EIF4E3: variants seen among roughly 807,000 people sequenced by gnomAD.
EIF4E3 encodes the protein eukaryotic translation initiation factor 4E type 3.
In EIF4E3, 26 loss-of-function variants were observed where a neutral mutation model predicts 31.7. The ratio of observed to expected loss-of-function variants is 0.82; its 90% CI spans 0.60 to 1.14. EIF4E3 has a LOEUF of 1.14. Ranked by LOEUF, EIF4E3 falls within the 50% of genes most tolerant of loss-of-function variation. The probability of loss-of-function intolerance (pLI) is 0.00; values close to 1 mark genes in which losing one functional copy is unlikely to be tolerated. For synonymous variants in EIF4E3, 128 were observed against 107.7 expected, an observed-to-expected ratio of 1.19 and a Z score of -1.17; for missense variants, 304 against 270.9, an observed-to-expected ratio of 1.12 and a Z score of -0.86.
chr3:71,725,517 T>G (rs1419793737), upstream of EIF4E3: 1 of 302,638 alleles, frequency 3.3e-6, no homozygotes, highest in African/African-American at 2.8e-5. This position sits in a 1 kb window ranked among gnomAD's most constrained non-coding sequence, Gnocchi z 6.1. Flanking sequence ...GCCCGCCGCC[T>G]TCAGGGCCTG....
intron 1 of EIF4E3, among the ~76,000 whole-genome samples, chr3:71,721,553 A>G (rs1205674011): frequency 6.6e-6 from 1 of 152,124 alleles, no homozygotes; most frequent in Non-Finnish European, 1.5e-5. Flanking sequence ...AGGTAACCGG[A>G]TCATGGGGGT....
At chr3:71,699,235 G>T (rs1395735010) in intron 3 of EIF4E3, among the ~76,000 whole-genome samples, 1 of 151,598 alleles carries the variant, frequency 6.6e-6, no homozygotes, top group African/African-American at 2.4e-5. Context: ...TCAAAAAAAA[G>T]AAACCAACCA....
At chr3:71,693,309 T>C (rs2108028924) in intron 5 of EIF4E3, among the ~76,000 whole-genome samples, 1 of 152,348 alleles carries the variant, frequency 6.6e-6, no homozygotes, top group South Asian at 2.1e-4. Context: ...GAAGAACTTC[T>C]GTCTTATCCT....
rs1197382046 is a variant in EIF4E3, at chr3:71,678,042, C to T, written c.*6640G>A. 2 of 152,148 alleles carry T rather than the reference C, an allele frequency of 1.3e-5. No homozygotes were observed. The highest frequency in any genetic ancestry group is 4.8e-5 in the African/African-American group (2 of 41,424). The allele number at this position is 152,148 out of a possible 1,614,324, so 9.4% of individuals were successfully genotyped here. A position where few individuals can be genotyped will look rare whatever the true frequency, so the allele number is the denominator to read the frequency against. Reference sequence around the variant, plus strand: ...ACAACAGTTACTCCCCATCAGAATACCAGATAACCTACTAAGCGTCAGACT... The same window carrying T: ...ACAACAGTTACTCCCCATCAGAATATCAGATAACCTACTAAGCGTCAGACT... On this transcript the variant is annotated 3_prime_UTR_variant, in exon 7 of 7. Transcript: ENST00000425534.
chr3:71,695,726 G>A (rs916615747), intron 4 of EIF4E3, among the ~76,000 whole-genome samples: 4 of 152,100 alleles, frequency 2.6e-5, no homozygotes, highest in African/African-American at 9.7e-5. Context: ...TCAGTTCTTT[G>A]AGCTTATCCA....
chr3:71,712,932 TCTTTA>T (rs1487099852), intron 1 of EIF4E3, among the ~76,000 whole-genome samples: 1 of 151,162 alleles, frequency 6.6e-6, no homozygotes, highest in Non-Finnish European at 1.5e-5. Context: ...CACAGTCTGG[TCTTTA>T]CTTGTATTCC....
chr3:71,736,516 T>G (rs994449884), intron 1 of EIF4E3, among the ~76,000 whole-genome samples: 1 of 152,210 alleles, frequency 6.6e-6, no homozygotes, highest in African/African-American at 2.4e-5. Context: ...TTGGGGAAAC[T>G]TTAATGCATA....
intron 1 of EIF4E3, among the ~76,000 whole-genome samples, chr3:71,721,876 G>A (rs2049555039): frequency 6.6e-6 from 1 of 152,148 alleles, no homozygotes; most frequent in Non-Finnish European, 1.5e-5. Context: ...GGACAGGAAA[G>A]AGCAGGGCAA....
chr3:71,686,543 A>AGTGTGTGTGTGTGTGT (rs61264269), intron 6 of EIF4E3, among the ~76,000 whole-genome samples: 3,423 of 143,504 alleles, frequency 0.024, 60 homozygotes, highest in Middle Eastern at 0.051. Context: ...TTTCACATTG[A>AGTGTGTGTGTGTGTGT]GTGTGTGTGT....
chr3:71,659,816 G>A, the EIF4E3 span, among the ~76,000 whole-genome samples: 1 of 152,218 alleles, frequency 6.6e-6, no homozygotes, highest in African/African-American at 2.4e-5. Context: ...CCTGGGGGCA[G>A]GAGGGTGCTT....
intron 1 of EIF4E3, among the ~76,000 whole-genome samples, chr3:71,712,074 G>A (rs567454200): frequency 6.6e-6 from 1 of 152,256 alleles, no homozygotes; most frequent in South Asian, 2.1e-4. Flanking sequence ...GGAAAACACG[G>A]GACTTCCACT....
downstream of EIF4E3, among the ~76,000 whole-genome samples, chr3:71,673,573 G>C (rs1578322162): frequency 6.6e-6 from 1 of 151,422 alleles, no homozygotes. Context: ...CACCGCTTAT[G>C]ACAACATTCA....
In EIF4E3 at chr3:71,725,144, G is replaced by A; in HGVS notation, c.176+48C>T. 2 of 1,035,468 alleles carry A rather than the reference G, an allele frequency of 1.9e-6. No individual in the cohort carries two copies. The highest frequency in any genetic ancestry group is 4.0e-5 in the South Asian group (1 of 24,998). The allele number at this position is 1,035,468 out of a possible 1,614,324, so 64.1% of individuals were successfully genotyped here. A position where few individuals can be genotyped will look rare whatever the true frequency, so the allele number is the denominator to read the frequency against. ...GCGCCGAGACAAAGCGGCGGTGGCG[G>A]CAGGACCCGGGTCGGGGCCGTGCGC... is the stretch of plus-strand genomic sequence containing the variant. On this transcript the variant is annotated intron_variant, in intron 1 of 6. Coordinates refer to ENST00000425534, the MANE Select transcript of EIF4E3 (RefSeq NM_001134651.2). The surrounding 1 kb of genome is among the most constrained non-coding windows in gnomAD (Gnocchi z 6.1).
intron 6 of EIF4E3, among the ~76,000 whole-genome samples, chr3:71,689,438 A>T (rs2049033883): frequency 4.6e-5 from 7 of 152,210 alleles, no homozygotes; most frequent in Non-Finnish European, 1.5e-5. Flanking sequence ...ATGAATCATG[A>T]TGGAAAACAA....
Position 71,738,978 on chromosome 3 carries a change from G to GTATATATATATATATATATATA in EIF4E3, c.-290-10377_-290-10356dup, listed in dbSNP as rs56982495. On this transcript the variant is annotated intron_variant, in intron 1 of 7. Coordinates refer to the EIF4E3 transcript ENST00000295612. The stretch of plus-strand genomic sequence containing the variant: ...TTTCCAAATGCCTGAAAATTGAACA[G>GTATATATATATATATATATATA]TATATATATATATATATATATATAT... Among the ~76,000 whole-genome samples, 176 of 95,756 alleles carry GTATATATATATATATATATATA rather than the reference G, an allele frequency of 1.8e-3. 3 individuals are homozygous for GTATATATATATATATATATATA. Among genetic ancestry groups the GTATATATATATATATATATATA allele is most frequent in the African/African-American group, 5.8e-3 (115 of 19,728 alleles). 62.8% of individuals were successfully genotyped at this position (95,756 alleles called of 152,430 possible).
chr3:71,707,959 C>G (rs2049319073), intron 2 of EIF4E3, among the ~76,000 whole-genome samples: 2 of 150,800 alleles, frequency 1.3e-5, no homozygotes, highest in African/African-American at 4.9e-5. Flanking sequence ...AATCTCAGCT[C>G]ACTGCAACCT....
At chr3:71,727,123 A>G (rs528761627), upstream of EIF4E3, among the ~76,000 whole-genome samples, 2 of 152,140 alleles carry the variant, frequency 1.3e-5, no homozygotes, top group East Asian at 1.9e-4. Flanking sequence ...CAACTGCCAG[A>G]CTCTCCTACC....
At chr3:71,665,819 G>A in the EIF4E3 span, among the ~76,000 whole-genome samples, 1 of 152,142 alleles carries the variant, frequency 6.6e-6, no homozygotes, top group African/African-American at 2.4e-5. Context: ...ACAACTACAT[G>A]GAAACGGAAC....
At chr3:71,716,357 C>A (rs181888068) in intron 1 of EIF4E3, among the ~76,000 whole-genome samples, 1 of 152,162 alleles carries the variant, frequency 6.6e-6, no homozygotes, top group Non-Finnish European at 1.5e-5. Flanking sequence ...CTCAGCCTCC[C>A]AAGTAGCTGG....
Sources: allele counts gnomAD v4.1 joint callset (sites outside exome capture counted in the v4.1 genomes callset), GRCh38; gene constraint gnomAD v4.1.1; non-coding constraint Gnocchi (gnomAD v3.1); transcripts MANE v1.5; gene names NCBI Gene and HGNC (gene_info 2026-07-23, HGNC 2026-07-21).